FSTL5: variants seen among roughly 807,000 people sequenced by gnomAD.
The protein encoded by FSTL5 is follistatin like 5, also known as follistatin-related protein 5.
Under a neutral mutation model 89.1 loss-of-function variants are expected in FSTL5, and 62 were observed. That is an observed-to-expected ratio of 0.70 (90% confidence interval 0.57 to 0.86). FSTL5 has a LOEUF of 0.86. Ranked by LOEUF, FSTL5 falls within the 40% of genes least tolerant of loss-of-function variation. The pLI is 0.00. For synonymous variants in FSTL5, 383 were observed against 346.2 expected, an observed-to-expected ratio of 1.11 and a Z score of -1.18; for missense variants, 1,057 against 1,001.6, an observed-to-expected ratio of 1.06 and a Z score of -0.75.
chr4:162,122,887 T>C (rs1731926990), intron 1 of FSTL5, among the ~76,000 whole-genome samples: 1 of 152,126 alleles, frequency 6.6e-6, no homozygotes, highest in Non-Finnish European at 1.5e-5. Context: ...ATACATTATA[T>C]GACCTTGAAG....
chr4:161,651,331 GAAAA>G (rs11325739), intron 7 of FSTL5, among the ~76,000 whole-genome samples: 1 of 121,742 alleles, frequency 8.2e-6, no homozygotes, highest in Admixed American at 8.3e-5. Flanking sequence ...TCCTTGAATT[GAAAA>G]AAAAAAAAAA....
At chr4:161,750,282 G>C (rs942745498) in intron 6 of FSTL5, among the ~76,000 whole-genome samples, 14 of 152,004 alleles carry the variant, frequency 9.2e-5, no homozygotes, top group Non-Finnish European at 1.5e-5. Flanking sequence ...TGTCCAAGAG[G>C]GTAGCCAGTA....
At chr4:162,054,310 G>C (rs1346575234) in intron 2 of FSTL5, among the ~76,000 whole-genome samples, 1 of 151,722 alleles carries the variant, frequency 6.6e-6, no homozygotes, top group African/African-American at 2.4e-5. Context: ...CGTGTGAATA[G>C]AATCCTGCAG....
chr4:161,468,981 G>A (rs1186257075), intron 13 of FSTL5, among the ~76,000 whole-genome samples: 3 of 152,016 alleles, frequency 2.0e-5, no homozygotes, highest in Non-Finnish European at 2.9e-5. Context: ...GCTGAAATAT[G>A]TTCATAATTC....
chr4:162,155,898 C>T (rs1733450539), intron 1 of FSTL5, among the ~76,000 whole-genome samples: 1 of 152,136 alleles, frequency 6.6e-6, no homozygotes, highest in South Asian at 2.1e-4. Context: ...ATCTTTAAAG[C>T]AGCAGAGAGT....
At chr4:161,872,285 C>T (rs542360245) in intron 4 of FSTL5, among the ~76,000 whole-genome samples, 1 of 151,868 alleles carries the variant, frequency 6.6e-6, no homozygotes, top group African/African-American at 2.4e-5. Flanking sequence ...GTTAACTTTT[C>T]AACTGCTAAA....
chr4:162,102,788 A>ATATT (rs1579029473), intron 2 of FSTL5, among the ~76,000 whole-genome samples: 1 of 147,614 alleles, frequency 6.8e-6, no homozygotes, highest in Non-Finnish European at 1.5e-5. Context: ...ATATTTATAT[A>ATATT]TGGAGTGATC....
intron 4 of FSTL5, among the ~76,000 whole-genome samples, chr4:161,814,091 AAG>A (rs992209044): frequency 4.6e-5 from 7 of 152,258 alleles, no homozygotes; most frequent in Admixed American, 1.3e-4. Context: ...GTGAGAGGGA[AAG>A]AGAGTAAAAA....
chr4:161,967,264 A>G (rs902177533), intron 3 of FSTL5, among the ~76,000 whole-genome samples: 6 of 151,912 alleles, frequency 3.9e-5, no homozygotes, highest in African/African-American at 1.5e-4. Context: ...TTGTTGAGAA[A>G]CTCCACTTTA....
At chr4:161,496,000 A>G (rs1730057264) in intron 12 of FSTL5, among the ~76,000 whole-genome samples, 1 of 152,168 alleles carries the variant, frequency 6.6e-6, no homozygotes, top group Non-Finnish European at 1.5e-5. Context: ...AAACAATTCA[A>G]TAATAAATTA....
chr4:162,061,676 G>A (rs538743122), intron 2 of FSTL5, among the ~76,000 whole-genome samples: 3 of 151,946 alleles, frequency 2.0e-5, no homozygotes, highest in Non-Finnish European at 2.9e-5. Context: ...ATGACAGCAG[G>A]GTTTTAAACC....
At chr4:161,582,267 A>G (rs1560964850) in intron 8 of FSTL5, among the ~76,000 whole-genome samples, 1 of 152,204 alleles carries the variant, frequency 6.6e-6, no homozygotes, top group Non-Finnish European at 1.5e-5. Context: ...AATATTTTAA[A>G]TTCTGAAAGC....
At chr4:162,111,569 C>T (rs540554858) in intron 1 of FSTL5, among the ~76,000 whole-genome samples, 157 bp from the exon 2 acceptor site, 3 of 152,054 alleles carry the variant, frequency 2.0e-5, no homozygotes, top group East Asian at 3.9e-4. Context: ...TCTCCAAATA[C>T]GGATTATTCC....
intron 8 of FSTL5, among the ~76,000 whole-genome samples, chr4:161,586,093 C>G (rs1426382978): frequency 6.6e-6 from 1 of 152,162 alleles, no homozygotes; most frequent in Non-Finnish European, 1.5e-5. Context: ...TAATTGATTT[C>G]CAGTACACGT....
intron 15 of FSTL5, among the ~76,000 whole-genome samples, chr4:161,436,576 A>C (rs1732567647): frequency 1.3e-5 from 2 of 152,152 alleles, no homozygotes; most frequent in Non-Finnish European, 2.9e-5. Context: ...GAAGTGTCTC[A>C]TTGACACATT....
intron 1 of FSTL5, among the ~76,000 whole-genome samples, chr4:162,129,373 G>A (rs573922233): frequency 6.6e-6 from 1 of 152,186 alleles, no homozygotes; most frequent in East Asian, 1.9e-4. Flanking sequence ...ATATCTCCCA[G>A]AAAACTCATC....
intron 8 of FSTL5, among the ~76,000 whole-genome samples, chr4:161,564,432 A>G (rs539821844): frequency 6.6e-6 from 1 of 151,042 alleles, no homozygotes; most frequent in East Asian, 1.9e-4. Context: ...TGGCACTACT[A>G]TTTACCATAT....
intron 7 of FSTL5, among the ~76,000 whole-genome samples, chr4:161,648,726 G>C (rs1164026519): frequency 6.6e-6 from 1 of 151,990 alleles, no homozygotes; most frequent in Non-Finnish European, 1.5e-5. Context: ...TGCCCCTCCT[G>C]TGACACATAC....
At chr4:161,707,138 GA>G (rs1738610200) in intron 6 of FSTL5, among the ~76,000 whole-genome samples, 1 of 151,646 alleles carries the variant, frequency 6.6e-6, no homozygotes. Context: ...TGTTTTCAGA[GA>G]AAAACATCTT....
Sources: allele counts gnomAD v4.1 joint callset (sites outside exome capture counted in the v4.1 genomes callset), GRCh38; gene constraint gnomAD v4.1.1; transcripts MANE v1.5; gene names NCBI Gene and HGNC (gene_info 2026-07-23, HGNC 2026-07-21).